Variants in CDH12 observed in about 807,000 individuals in gnomAD.
CDH12 encodes cadherin 12, also known as cadherin-12.
In CDH12, 41 loss-of-function variants were observed where a neutral mutation model predicts 74.1. The ratio of observed to expected loss-of-function variants is 0.55; its 90% CI spans 0.43 to 0.72. The LOEUF (loss-of-function observed/expected upper bound fraction) is 0.72. Ranked by LOEUF, CDH12 falls within the 30% of genes least tolerant of loss-of-function variation. The pLI is 0.00. For synonymous variants in CDH12, 399 were observed against 355.0 expected, an observed-to-expected ratio of 1.12 and a Z score of -1.39; for missense variants, 945 against 977.2, an observed-to-expected ratio of 0.97 and a Z score of 0.44.
chr5:22,163,944 T>C (rs566670639), intron 4 of CDH12, among the ~76,000 whole-genome samples: 1 of 152,266 alleles, frequency 6.6e-6, no homozygotes, highest in African/African-American at 2.4e-5. Flanking sequence ...TTATAGAACA[T>C]CACAATTTCA....
At chr5:22,784,787 G>A (rs2055969) in intron 1 of CDH12, among the ~76,000 whole-genome samples, 7,786 of 152,124 alleles carry the variant, frequency 0.051, 293 homozygotes, top group South Asian at 0.11. Context: ...TTTCTGAAAC[G>A]CTGTTTTGAA....
intron 4 of CDH12, among the ~76,000 whole-genome samples, chr5:22,095,719 T>A (rs112225890): frequency 6.5e-4 from 98 of 150,172 alleles, no homozygotes; most frequent in African/African-American, 2.1e-3. Flanking sequence ...GGGGCAAGAA[T>A]CCCCCAATCC....
intron 5 of CDH12, among the ~76,000 whole-genome samples, chr5:22,072,564 G>T (rs1054400536): frequency 2.9e-5 from 4 of 138,118 alleles, no homozygotes; most frequent in Non-Finnish European, 4.6e-5. Context: ...GTGTGTGTGT[G>T]TGTTTAGGCT....
At chr5:22,139,520 A>G (rs1243526170) in intron 4 of CDH12, 2 of 135,026 alleles carry the variant, frequency 1.5e-5, no homozygotes, top group Non-Finnish European at 3.2e-5. Context: ...TGTATGGTAA[A>G]CTGTCAGTTT....
intron 3 of CDH12, among the ~76,000 whole-genome samples, chr5:22,264,141 G>A (rs1465727390): frequency 6.6e-6 from 1 of 151,600 alleles, no homozygotes; most frequent in Non-Finnish European, 1.5e-5. Flanking sequence ...TGGGATTGGT[G>A]CCTGGAAGTA....
intron 3 of CDH12, among the ~76,000 whole-genome samples, chr5:22,267,453 C>T (rs548801040): frequency 1.3e-5 from 2 of 152,230 alleles, no homozygotes; most frequent in Admixed American, 6.5e-5. Context: ...TTGATATAGA[C>T]AACCTTATTT....
intron 5 of CDH12, among the ~76,000 whole-genome samples, chr5:22,019,124 C>T (rs1191984155): frequency 6.6e-6 from 1 of 152,054 alleles, no homozygotes; most frequent in East Asian, 1.9e-4. Flanking sequence ...TTTAGGATTT[C>T]TATCTATCTA....
intron 2 of CDH12, among the ~76,000 whole-genome samples, chr5:22,430,002 G>A (rs1744100841): frequency 1.3e-5 from 2 of 151,990 alleles, no homozygotes; most frequent in South Asian, 4.2e-4. Context: ...ATTATCCCAG[G>A]GTAATCTATT....
At chr5:22,416,536 G>C (rs1015721769) in intron 2 of CDH12, among the ~76,000 whole-genome samples, 1 of 152,116 alleles carries the variant, frequency 6.6e-6, no homozygotes, top group South Asian at 2.1e-4. Context: ...CAGAAAGGAA[G>C]TACAAATGAC....
intron 3 of CDH12, among the ~76,000 whole-genome samples, chr5:22,231,776 T>C (rs1752393757): frequency 6.6e-6 from 1 of 151,960 alleles, no homozygotes; most frequent in African/African-American, 2.4e-5. Context: ...ACAAAACTTT[T>C]ATCTCAACTG....
At chr5:22,842,673 T>C (rs1029340395) in intron 1 of CDH12, among the ~76,000 whole-genome samples, 1 of 152,104 alleles carries the variant, frequency 6.6e-6, no homozygotes, top group Non-Finnish European at 1.5e-5. Flanking sequence ...CATAGTAAAA[T>C]TTAAAATGTT....
chr5:22,341,772 TC>T (rs769605080), intron 3 of CDH12, among the ~76,000 whole-genome samples: 3 of 151,982 alleles, frequency 2.0e-5, no homozygotes, highest in Non-Finnish European at 2.9e-5. Context: ...CGTTAGGCAA[TC>T]ATACATCTCT....
chr5:22,227,959 T>C (rs977442805), intron 3 of CDH12, among the ~76,000 whole-genome samples: 1 of 152,118 alleles, frequency 6.6e-6, no homozygotes, highest in Admixed American at 6.6e-5. Context: ...TGTCACTTTT[T>C]CCATAGGCAG....
chr5:22,255,002 T>G (rs1453321816), intron 3 of CDH12, among the ~76,000 whole-genome samples: 4 of 151,950 alleles, frequency 2.6e-5, no homozygotes, highest in Non-Finnish European at 5.9e-5. Flanking sequence ...AACTGTATTT[T>G]TGTACCCATT....
chr5:22,422,532 C>T (rs1361094281), intron 2 of CDH12, among the ~76,000 whole-genome samples: 1 of 151,916 alleles, frequency 6.6e-6, no homozygotes, highest in East Asian at 1.9e-4. Flanking sequence ...CCTAAGGTTT[C>T]CTTTTTTTGT....
intron 5 of CDH12, among the ~76,000 whole-genome samples, chr5:22,010,434 C>G (rs1199183630): frequency 6.6e-6 from 1 of 152,172 alleles, no homozygotes; most frequent in South Asian, 2.1e-4. Context: ...CCTGAGCAAA[C>G]TTAGCAAGTC....
At chr5:22,536,824 T>G (rs182443945) in intron 1 of CDH12, among the ~76,000 whole-genome samples, 1 of 152,350 alleles carries the variant, frequency 6.6e-6, no homozygotes, top group East Asian at 1.9e-4. Context: ...CACATTTCAA[T>G]GCTTAGCTCA....
Position 21,972,575 on chromosome 5 carries a change from C to T in CDH12, c.526+2516G>A, listed in dbSNP as rs532847772. ...GAAGGGTGCACTTGAGAATGGGGTT[C>T]GAGTACTCTAGGAACATAGATGTAA... On this transcript the variant is annotated intron_variant, in intron 6 of 14. Coordinates refer to ENST00000382254, the MANE Select transcript of CDH12 (RefSeq NM_004061.5). Among the ~76,000 whole-genome samples the T allele has an allele frequency of 2.7e-3, 412 of 152,100 alleles. 4 individuals carry two copies. The highest frequency in any genetic ancestry group is 9.7e-3 in the African/African-American group (404 of 41,486).
Position 22,209,439 on chromosome 5 carries a change from C to T in CDH12, c.-187+3059G>A, listed in dbSNP as rs1299368688. ...TTTCTAATATTGTGAATATCTTTCACTATTAACGTGAGTTCCCCTTAACTT... is the reference window on the plus strand; with the variant it reads ...TTTCTAATATTGTGAATATCTTTCATTATTAACGTGAGTTCCCCTTAACTT... On this transcript the variant is annotated intron_variant, in intron 4 of 14. Transcript: ENST00000382254. Among the ~76,000 whole-genome samples, 6 of 152,216 alleles carry T rather than the reference C, an allele frequency of 3.9e-5. No individual in the cohort carries two copies. The South Asian group carries it at 1.2e-3, about 31-fold the overall frequency.
Sources: gnomAD v4.1 joint callset for allele counts (sites outside exome capture counted in the v4.1 genomes callset) on GRCh38, gnomAD v4.1.1 for gene constraint, MANE v1.5 for transcripts, NCBI Gene and HGNC (gene_info 2026-07-23, HGNC 2026-07-21) for gene names.